The following GRID2 variants were observed in gnomAD, a reference collection of about 807,000 sequenced individuals.
GRID2 encodes the protein glutamate ionotropic receptor delta type subunit 2.
A neutral mutation model predicts 114.8 loss-of-function variants in GRID2; 33 were observed. The observed-to-expected ratio is 0.29, with a 90% confidence interval of 0.22 to 0.38. The LOEUF is 0.38. GRID2 is among the 10% of genes least tolerant of loss of function. GRID2 has a pLI of 1.00. For missense variants in GRID2, 1,184 were observed against 1,257.7 expected (o/e 0.94, Z 0.89); for synonymous variants, 505 against 449.9 (o/e 1.12, Z -1.55).
chr4:93,644,018 C>T (rs1174258617), intron 14 of GRID2, among the ~76,000 whole-genome samples: 7 of 88,098 alleles, frequency 7.9e-5, no homozygotes, highest in African/African-American at 1.4e-4. Context: ...TCTCGTGGTG[C>T]GCCGTTTCTT....
chr4:92,859,946 C>T (rs1578328267), intron 2 of GRID2, among the ~76,000 whole-genome samples: 1 of 152,082 alleles, frequency 6.6e-6, no homozygotes, highest in Non-Finnish European at 1.5e-5. Context: ...CTAGTCATCA[C>T]CATCAAAAAT....
At chr4:93,216,672 C>G (rs889161599) in intron 5 of GRID2, 66 bp from the exon 6 acceptor site, 6 of 1,027,658 alleles carry the variant, frequency 5.8e-6, no homozygotes, top group African/African-American at 1.6e-5. Flanking sequence ...GATAACAACT[C>G]ATAATAGGTT....
chr4:92,971,180 C>T (rs555863316), intron 2 of GRID2, among the ~76,000 whole-genome samples: 1 of 152,044 alleles, frequency 6.6e-6, no homozygotes, highest in African/African-American at 2.4e-5. Context: ...ATAGGATAAG[C>T]TTTAGAAATA....
chr4:92,403,842 G>A (rs1272080342), intron 1 of GRID2, among the ~76,000 whole-genome samples: 1 of 152,086 alleles, frequency 6.6e-6, no homozygotes, highest in East Asian at 1.9e-4. Flanking sequence ...ATAATAGGGA[G>A]GTTCAAAGAC....
At position 93,141,040 on chromosome 4, in the gene GRID2, G is replaced by C. The variant is rs185886645; in HGVS notation, c.735+30087G>C. On this transcript the variant is annotated intron_variant, in intron 4 of 15. Transcript: ENST00000282020. ...CTACAAAGTTTCAGTACTTCTGCTG[G>C]AGAAAATGCATTTAAGTTTTCCCAT... Among the ~76,000 whole-genome samples the C allele has an allele frequency of 2.8e-4, 43 of 152,158 alleles. No individual in the cohort carries two copies. The East Asian group carries it at 8.3e-3, about 29-fold the overall frequency.
intron 1 of GRID2, among the ~76,000 whole-genome samples, chr4:92,342,089 A>C (rs868637028): frequency 2.0e-5 from 3 of 152,130 alleles, no homozygotes; most frequent in Non-Finnish European, 4.4e-5. Flanking sequence ...TTCAGGAATG[A>C]ACAAAATATT....
chr4:93,047,593 CAT>C (rs1560825711), intron 2 of GRID2, among the ~76,000 whole-genome samples: 1 of 152,018 alleles, frequency 6.6e-6, no homozygotes, highest in Non-Finnish European at 1.5e-5. Context: ...TCTCTCCACA[CAT>C]ATATACACAT....
rs750609378 is a variant in GRID2, at chr4:93,303,093, G to A, written c.1245+64603G>A. ...TACGTGACCAGAGAAGGAGGAAGAG[G>A]AAACAGGGGGAGGTGTTACACACTT... On this transcript the variant is annotated intron_variant, in intron 8 of 15. Coordinates refer to ENST00000282020, the MANE Select transcript of GRID2 (RefSeq NM_001510.4). Among the ~76,000 whole-genome samples the A allele has an allele frequency of 2.6e-5, 4 of 152,116 alleles. No individual in the cohort carries two copies. The South Asian group carries it at 8.3e-4, about 32-fold the overall frequency.
At chr4:93,766,288 G>A (rs567977404) in intron 14 of GRID2, among the ~76,000 whole-genome samples, 1 of 152,314 alleles carries the variant, frequency 6.6e-6, no homozygotes, top group South Asian at 2.1e-4. Context: ...AGTTCCCCAT[G>A]GCTGGGGAGG....
At chr4:92,603,964 A>C (rs771582937) in intron 2 of GRID2, among the ~76,000 whole-genome samples, 3 of 151,422 alleles carry the variant, frequency 2.0e-5, no homozygotes, top group Non-Finnish European at 4.4e-5. Context: ...TCATTAGAGA[A>C]ATGCAAATCA....
chr4:93,774,792 A>G (rs1734325917), downstream of GRID2, among the ~76,000 whole-genome samples: 1 of 151,882 alleles, frequency 6.6e-6, no homozygotes, highest in African/African-American at 2.4e-5. Context: ...CCAACAATAC[A>G]TTTGTTTTTC....
At chr4:93,070,189 G>A (rs1423163485) in intron 2 of GRID2, among the ~76,000 whole-genome samples, 3 of 152,068 alleles carry the variant, frequency 2.0e-5, no homozygotes, top group African/African-American at 7.2e-5. Context: ...GTGAAAAGCT[G>A]TCTTTTGCCA....
At chr4:93,762,014 G>A (rs936814080) in intron 14 of GRID2, among the ~76,000 whole-genome samples, 11 of 152,020 alleles carry the variant, frequency 7.2e-5, no homozygotes, top group African/African-American at 2.4e-4. Context: ...GATTACCTAC[G>A]TTTTCCAAAG....
In GRID2 at chr4:93,350,448, T is replaced by C. The variant is rs1579775226; in HGVS notation, c.1246-45159T>C. On this transcript the variant is annotated intron_variant, in intron 8 of 15. Transcript: ENST00000282020. ...CAGAGAATATGAAGAATTGGAAACA[T>C]AATCAAGTGCAAAATCAGTAAACAC... Among the ~76,000 whole-genome samples the C allele has an allele frequency of 2.6e-5, 4 of 152,126 alleles. No individual in the cohort carries two copies. In the South Asian group the frequency reaches 8.3e-4, roughly 32 times the overall value.
chr4:93,128,131 TGACATAA>T (rs1188442330), intron 4 of GRID2, among the ~76,000 whole-genome samples: 4 of 149,068 alleles, frequency 2.7e-5, no homozygotes, highest in East Asian at 2.0e-4. Context: ...CTTTTATTCA[TGACATAA>T]GAGGTAGTCA....
chr4:93,590,243 G>A (rs978981446), intron 13 of GRID2, among the ~76,000 whole-genome samples: 10 of 150,654 alleles, frequency 6.6e-5, no homozygotes, highest in Non-Finnish European at 1.0e-4. Flanking sequence ...AAGGCGTAAG[G>A]AAGGGATCCA....
chr4:93,720,881 G>C (rs1729307030), intron 14 of GRID2, among the ~76,000 whole-genome samples: 1 of 152,162 alleles, frequency 6.6e-6, no homozygotes, highest in Non-Finnish European at 1.5e-5. Flanking sequence ...AGCATAGCAA[G>C]AACAACATAT....
At chr4:92,329,026 A>G (rs1726740703) in intron 1 of GRID2, among the ~76,000 whole-genome samples, 1 of 152,038 alleles carries the variant, frequency 6.6e-6, no homozygotes, top group African/African-American at 2.4e-5. Flanking sequence ...TCTCCTGGGT[A>G]GAGTTTGCTC....
intron 2 of GRID2, among the ~76,000 whole-genome samples, chr4:92,787,207 G>T (rs1244668492): frequency 6.6e-6 from 1 of 151,784 alleles, no homozygotes; most frequent in East Asian, 1.9e-4. Context: ...AAACATAAAA[G>T]ACAAAGATCC....
Sources: gnomAD v4.1 joint callset for allele counts (sites outside exome capture counted in the v4.1 genomes callset) on GRCh38, gnomAD v4.1.1 for gene constraint, MANE v1.5 for transcripts, NCBI Gene and HGNC (gene_info 2026-07-23, HGNC 2026-07-21) for gene names.